DACH2: variants seen among roughly 807,000 people sequenced by gnomAD.
DACH2 encodes the protein dachshund homolog 2.
In DACH2, 17 loss-of-function variants were observed where a neutral mutation model predicts 35.8. That is an observed-to-expected ratio of 0.48 (90% CI 0.33 to 0.71). DACH2 has a LOEUF of 0.71. Ranked by LOEUF, DACH2 falls within the 30% of genes least tolerant of loss-of-function variation. The pLI, the probability that DACH2 is intolerant of heterozygous loss-of-function variation, is 0.02. For synonymous variants in DACH2, 195 were observed against 177.3 expected, an observed-to-expected ratio of 1.10 and a Z score of -0.79; for missense variants, 469 against 472.7, an observed-to-expected ratio of 0.99 and a Z score of 0.07.
At chrX:86,367,791 T>G (rs1156669004) in intron 1 of DACH2, among the ~76,000 whole-genome samples, 1 of 111,870 alleles carries the variant, frequency 8.9e-6, no homozygotes, top group Non-Finnish European at 1.9e-5. Flanking sequence ...GGAAAATAAT[T>G]TTTCATGGAA....
chrX:86,675,555 A>G (rs1241701730), intron 4 of DACH2, among the ~76,000 whole-genome samples: 1 of 110,506 alleles, frequency 9.0e-6, no homozygotes, highest in African/African-American at 3.3e-5. Flanking sequence ...ATCGTGGCAC[A>G]CGCCTATAGT....
intron 2 of DACH2, among the ~76,000 whole-genome samples, chrX:86,401,656 A>G (rs1244244559): frequency 9.1e-6 from 1 of 110,027 alleles, no homozygotes; most frequent in Non-Finnish European, 1.9e-5. Flanking sequence ...TGTATCAACA[A>G]GCAGTTACAT....
chrX:86,525,373 A>C (rs1473117704), intron 3 of DACH2, among the ~76,000 whole-genome samples: 2 of 111,721 alleles, frequency 1.8e-5, no homozygotes, highest in African/African-American at 6.5e-5. Context: ...AAAACACTTT[A>C]ATTTTCTTTT....
intron 1 of DACH2, among the ~76,000 whole-genome samples, chrX:86,176,044 A>G (rs1279810722): frequency 8.9e-6 from 1 of 111,948 alleles, no homozygotes; most frequent in African/African-American, 3.2e-5. Flanking sequence ...CTGTGTCAGT[A>G]CTGGTGCAAA....
At chrX:86,758,373 C>A (rs1257282382) in intron 7 of DACH2, among the ~76,000 whole-genome samples, 1 of 111,453 alleles carries the variant, frequency 9.0e-6, no homozygotes, top group Non-Finnish European at 1.9e-5. Flanking sequence ...GCTATAACTT[C>A]TCTCTTAGCA....
At chrX:86,273,629 A>G (rs1021404456) in intron 1 of DACH2, among the ~76,000 whole-genome samples, 17 of 112,255 alleles carry the variant, frequency 1.5e-4, no homozygotes, top group African/African-American at 5.5e-4. Context: ...TTTTTTCCAG[A>G]TATACAAAAG....
At chrX:86,199,659 C>G (rs1250361270) in intron 1 of DACH2, among the ~76,000 whole-genome samples, 3 of 111,748 alleles carry the variant, frequency 2.7e-5, no homozygotes, top group Non-Finnish European at 3.8e-5. Context: ...ATCCCCTTCA[C>G]AATTGCCAGA....
At chrX:86,288,576 G>A (rs2034202348) in intron 1 of DACH2, among the ~76,000 whole-genome samples, 1 of 111,928 alleles carries the variant, frequency 8.9e-6, no homozygotes, top group Non-Finnish European at 1.9e-5. Flanking sequence ...ATTGTACTGT[G>A]GCTACCCTGG....
chrX:86,167,740 G>T (rs1456610927), intron 1 of DACH2, among the ~76,000 whole-genome samples: 1 of 110,459 alleles, frequency 9.1e-6, no homozygotes, highest in South Asian at 3.8e-4. Flanking sequence ...GGTATTTTGT[G>T]GTTCTATTAT....
chrX:86,685,329 G>A (rs554177445), intron 4 of DACH2, among the ~76,000 whole-genome samples: 1 of 112,008 alleles, frequency 8.9e-6, no homozygotes, highest in Admixed American at 9.5e-5. Flanking sequence ...TTCCTCTAAT[G>A]ATTGAGTGGT....
intron 2 of DACH2, among the ~76,000 whole-genome samples, chrX:86,444,733 T>C (rs1288707926): frequency 1.8e-5 from 2 of 111,509 alleles, no homozygotes; most frequent in Non-Finnish European, 3.8e-5. Context: ...ATACCAATTA[T>C]ACATTTTGTT....
At chrX:86,408,304 T>A in intron 2 of DACH2, among the ~76,000 whole-genome samples, 1 of 111,604 alleles carries the variant, frequency 9.0e-6, no homozygotes, top group South Asian at 3.7e-4. Flanking sequence ...GCATGTGCCT[T>A]TATCTCTACT....
chrX:86,300,245 A>T (rs1216726691), intron 1 of DACH2, among the ~76,000 whole-genome samples: 1 of 111,561 alleles, frequency 9.0e-6, no homozygotes, highest in African/African-American at 3.3e-5. Context: ...GAAAAAAAAA[A>T]TTGCATAATA....
intron 6 of DACH2, among the ~76,000 whole-genome samples, chrX:86,734,661 G>A (rs1365058966): frequency 9.0e-6 from 1 of 111,307 alleles, no homozygotes; most frequent in African/African-American, 3.3e-5. Context: ...ACCAATGCTT[G>A]AATTGGTTCA....
At chrX:86,216,346 T>C (rs2147918633) in intron 1 of DACH2, among the ~76,000 whole-genome samples, 1 of 110,937 alleles carries the variant, frequency 9.0e-6, no homozygotes, top group South Asian at 3.9e-4. Context: ...CTCCTAATGC[T>C]ATCCCTCCCC....
intron 2 of DACH2, among the ~76,000 whole-genome samples, chrX:86,461,791 T>C (rs1449834155): frequency 8.9e-6 from 1 of 111,850 alleles, no homozygotes. Context: ...TTTATCTTAT[T>C]CTTTGCTTTC....
chrX:86,493,561 C>G (rs1342757222), intron 2 of DACH2, among the ~76,000 whole-genome samples: 1 of 111,513 alleles, frequency 9.0e-6, no homozygotes, highest in Non-Finnish European at 1.9e-5. Context: ...CATATTTTCT[C>G]TCTCTCATGT....
intron 4 of DACH2, among the ~76,000 whole-genome samples, chrX:86,653,595 T>C (rs2040503727): frequency 9.0e-6 from 1 of 111,084 alleles, no homozygotes; most frequent in Non-Finnish European, 1.9e-5. Flanking sequence ...TCCCTCAGCA[T>C]TTGCTTGTCT....
intron 1 of DACH2, among the ~76,000 whole-genome samples, chrX:86,244,229 A>C: frequency 8.9e-6 from 1 of 112,093 alleles, no homozygotes; most frequent in South Asian, 3.7e-4. Context: ...TTGCAGTTCT[A>C]CACTGAATTT....
Sources: allele counts gnomAD v4.1 joint callset (sites outside exome capture counted in the v4.1 genomes callset), GRCh38; gene constraint gnomAD v4.1.1; transcripts MANE v1.5; gene names NCBI Gene and HGNC (gene_info 2026-07-23, HGNC 2026-07-21).